STARD13: variants seen among roughly 807,000 people sequenced by gnomAD.
STARD13 encodes stAR-related lipid transfer protein 13.
A neutral mutation model predicts 106.4 loss-of-function variants in STARD13; 62 were observed. The ratio of observed to expected loss-of-function variants is 0.58; its 90% CI spans 0.48 to 0.72. STARD13 has a LOEUF of 0.72. STARD13 is among the 30% of genes least tolerant of loss of function. STARD13 has a pLI of 0.00. For missense variants in STARD13, 1,387 were observed against 1,424.0 expected (o/e 0.97, Z 0.42); for synonymous variants, 565 against 553.0 (o/e 1.02, Z -0.31).
chr13:33,427,572 A>G, the STARD13 span, among the ~76,000 whole-genome samples: 2 of 152,214 alleles, frequency 1.3e-5, no homozygotes, highest in African/African-American at 4.8e-5. Flanking sequence ...ACGAGGGTCA[A>G]ACCAAACAAC....
intron 3 of STARD13, among the ~76,000 whole-genome samples, chr13:33,163,730 A>AT (rs1883008032): frequency 4.3e-5 from 6 of 139,854 alleles, no homozygotes; most frequent in African/African-American, 5.2e-5. Context: ...TAACATATAT[A>AT]AAACATATAT....
At chr13:33,252,055 C>T (rs1890117444) in intron 1 of STARD13, among the ~76,000 whole-genome samples, 2 of 152,274 alleles carry the variant, frequency 1.3e-5, no homozygotes, top group African/African-American at 4.8e-5. Context: ...TAAGATACTC[C>T]TATCATTACT....
chr13:33,585,829 C>T, the STARD13 span, among the ~76,000 whole-genome samples: 1 of 152,108 alleles, frequency 6.6e-6, no homozygotes, highest in Non-Finnish European at 1.5e-5. Context: ...GTTACATAGC[C>T]AGATATAAAA....
chr13:33,525,136 T>G, the STARD13 span, among the ~76,000 whole-genome samples: 3 of 152,008 alleles, frequency 2.0e-5, no homozygotes, highest in African/African-American at 7.2e-5. Context: ...ATCCTCCTGC[T>G]TCAGCCTCCC....
At chr13:33,162,963 A>T (rs547744876) in intron 3 of STARD13, among the ~76,000 whole-genome samples, 1 of 152,310 alleles carries the variant, frequency 6.6e-6, no homozygotes, top group South Asian at 2.1e-4. Context: ...CACTGCTGAT[A>T]AAGACATACC....
chr13:33,618,554 A>C, the STARD13 span, among the ~76,000 whole-genome samples: 2 of 149,974 alleles, frequency 1.3e-5, no homozygotes, highest in South Asian at 4.2e-4. Flanking sequence ...TGGCTTGCTT[A>C]CTATGAGCCA....
the STARD13 span, among the ~76,000 whole-genome samples, chr13:33,640,606 A>T: frequency 6.6e-6 from 1 of 152,170 alleles, no homozygotes; most frequent in East Asian, 1.9e-4. Context: ...AATAAATCTC[A>T]TTCTATCAAT....
At chr13:33,452,667 T>G in the STARD13 span, among the ~76,000 whole-genome samples, 2 of 152,332 alleles carry the variant, frequency 1.3e-5, no homozygotes, top group South Asian at 2.1e-4. Context: ...TGTCTGAAAT[T>G]TAGATTCCTT....
At chr13:33,572,441 G>A in the STARD13 span, among the ~76,000 whole-genome samples, 2 of 152,040 alleles carry the variant, frequency 1.3e-5, no homozygotes, top group Non-Finnish European at 2.9e-5. Context: ...TCCTTTTTCT[G>A]TCCATAAATC....
chr13:33,591,002 A>C, the STARD13 span, among the ~76,000 whole-genome samples: 4 of 152,256 alleles, frequency 2.6e-5, no homozygotes, highest in African/African-American at 4.8e-5. Context: ...AGAGTACCTT[A>C]AAATTTAACA....
the STARD13 span, among the ~76,000 whole-genome samples, chr13:33,572,198 G>A: frequency 6.6e-6 from 1 of 152,094 alleles, no homozygotes. Context: ...ATCAAGTTTA[G>A]CCTAAAGTTG....
chr13:33,456,285 G>C, the STARD13 span, among the ~76,000 whole-genome samples: 1 of 152,114 alleles, frequency 6.6e-6, no homozygotes, highest in Non-Finnish European at 1.5e-5. Flanking sequence ...TGTCTCCCGG[G>C]TTCAAGCAAT....
intron 4 of STARD13, among the ~76,000 whole-genome samples, chr13:33,139,711 T>C (rs990737393): frequency 1.3e-5 from 2 of 152,224 alleles, no homozygotes; most frequent in South Asian, 4.1e-4. Flanking sequence ...TCTCCTTTTC[T>C]ATTTGTGATC....
At chr13:33,500,749 C>G in the STARD13 span, among the ~76,000 whole-genome samples, 1 of 152,082 alleles carries the variant, frequency 6.6e-6, no homozygotes, top group South Asian at 2.1e-4. Context: ...GTAGAACCAA[C>G]TACAGCAGGA....
intron 1 of STARD13, among the ~76,000 whole-genome samples, chr13:33,200,943 G>T (rs549979003): frequency 6.6e-6 from 1 of 151,972 alleles, no homozygotes; most frequent in Non-Finnish European, 1.5e-5. Context: ...GGAGAATGGC[G>T]TGAACCCAGG....
the STARD13 span, among the ~76,000 whole-genome samples, chr13:33,364,739 A>C: frequency 6.6e-6 from 1 of 152,196 alleles, no homozygotes; most frequent in Non-Finnish European, 1.5e-5. Flanking sequence ...AATACAGAAA[A>C]TTAGCCAGGC....
the STARD13 span, among the ~76,000 whole-genome samples, chr13:33,413,342 A>G: frequency 5.9e-5 from 9 of 152,216 alleles, no homozygotes; most frequent in Non-Finnish European, 1.2e-4. Flanking sequence ...CTAAGATCCT[A>G]CCTCAAGAAT....
chr13:33,378,477 T>C, the STARD13 span, among the ~76,000 whole-genome samples: 2 of 152,216 alleles, frequency 1.3e-5, no homozygotes, highest in Non-Finnish European at 2.9e-5. Flanking sequence ...TCTGAAAACC[T>C]GCACTTCTTA....
chr13:33,434,245 C>A, the STARD13 span, among the ~76,000 whole-genome samples: 1 of 149,136 alleles, frequency 6.7e-6, no homozygotes, highest in South Asian at 2.1e-4. Flanking sequence ...CCCAGCCACT[C>A]AGGAGGCTGA....
Sources: gnomAD v4.1 joint callset for allele counts (sites outside exome capture counted in the v4.1 genomes callset) on GRCh38, gnomAD v4.1.1 for gene constraint, MANE v1.5 for transcripts, NCBI Gene and HGNC (gene_info 2026-07-23, HGNC 2026-07-21) for gene names.